The following RERE variants were observed in gnomAD, a reference collection of about 807,000 sequenced individuals.
The protein encoded by RERE is arginine-glutamic acid dipeptide repeats.
A neutral mutation model predicts 146.1 loss-of-function variants in RERE; 40 were observed. That is an observed-to-expected ratio of 0.27 (90% CI 0.21 to 0.36). The LOEUF is 0.36. Ranked by LOEUF, RERE falls within the 10% of genes least tolerant of loss-of-function variation. The probability of loss-of-function intolerance (pLI) is 1.00; values close to 1 mark genes in which losing one functional copy is unlikely to be tolerated. For missense variants in RERE, 1,933 were observed against 2,138.7 expected, an observed-to-expected ratio of 0.90 and a Z score of 1.90; for synonymous variants, 1,003 against 866.0, an observed-to-expected ratio of 1.16 and a Z score of -2.78.
chr1:8,521,228 T>A (rs1645496615), intron 7 of RERE, among the ~76,000 whole-genome samples: 3 of 141,550 alleles, frequency 2.1e-5, no homozygotes, highest in Admixed American at 6.9e-5. Flanking sequence ...ACATAAACAC[T>A]CAAAGAGAGT....
intron 1 of RERE, among the ~76,000 whole-genome samples, chr1:8,722,346 T>C (rs1639879959): frequency 6.6e-6 from 1 of 152,220 alleles, no homozygotes; most frequent in Admixed American, 6.5e-5. Context: ...CATTAGCTTT[T>C]TCATCCAAAC....
chr1:8,777,301 G>A (rs1384972373), intron 1 of RERE, among the ~76,000 whole-genome samples: 1 of 152,046 alleles, frequency 6.6e-6, no homozygotes, highest in Non-Finnish European at 1.5e-5. Flanking sequence ...ACTATCAAGT[G>A]TCATCAAATA....
chr1:8,403,287 C>T (rs1393838888), intron 12 of RERE, among the ~76,000 whole-genome samples: 3 of 152,034 alleles, frequency 2.0e-5, no homozygotes, highest in African/African-American at 7.2e-5. Flanking sequence ...TTTGAAATTT[C>T]CTATCATAAA....
At chr1:8,486,751 A>G (rs1312847550) in intron 10 of RERE, among the ~76,000 whole-genome samples, 2 of 82,900 alleles carry the variant, frequency 2.4e-5, no homozygotes, top group Non-Finnish European at 4.9e-5. Flanking sequence ...CGTGGAGTCC[A>G]TCTTAAAAAA....
At chr1:8,460,587 C>T (rs1002389874) in intron 11 of RERE, among the ~76,000 whole-genome samples, 3 of 152,058 alleles carry the variant, frequency 2.0e-5, no homozygotes, top group Non-Finnish European at 4.4e-5. Context: ...AATTTCAGAG[C>T]TTATTTGTAT....
intron 1 of RERE, among the ~76,000 whole-genome samples, chr1:8,666,088 A>G (rs557238982): frequency 6.6e-6 from 1 of 152,308 alleles, no homozygotes; most frequent in African/African-American, 2.4e-5. Context: ...GCCTTAAATG[A>G]CATGGCCTTA....
intron 11 of RERE, among the ~76,000 whole-genome samples, chr1:8,448,615 G>A (rs567851795): frequency 5.9e-5 from 9 of 152,094 alleles, no homozygotes; most frequent in Admixed American, 2.0e-4. Context: ...AAATTAGCTG[G>A]GCATGGTGGC....
At chr1:8,450,607 C>G (rs1644379367) in intron 11 of RERE, among the ~76,000 whole-genome samples, 1 of 152,196 alleles carries the variant, frequency 6.6e-6, no homozygotes, top group Non-Finnish European at 1.5e-5. Context: ...CATACCCCAA[C>G]CCCCGAGCCC....
At chr1:8,507,559 C>T (rs1339171162) in intron 8 of RERE, among the ~76,000 whole-genome samples, 7 of 151,744 alleles carry the variant, frequency 4.6e-5, no homozygotes, top group Non-Finnish European at 1.0e-4. Context: ...CATGCGCACA[C>T]CACCATGACC....
At chr1:8,692,588 A>G (rs1639230165) in intron 1 of RERE, among the ~76,000 whole-genome samples, 1 of 152,118 alleles carries the variant, frequency 6.6e-6, no homozygotes, top group African/African-American at 2.4e-5. Flanking sequence ...ATCTCAAGTG[A>G]TCTGCCCGTC....
At chr1:8,486,552 C>A (rs1644901772) in intron 10 of RERE, among the ~76,000 whole-genome samples, 1 of 151,598 alleles carries the variant, frequency 6.6e-6, no homozygotes, top group African/African-American at 2.4e-5. Context: ...TTTAACATCC[C>A]ACTTTAGAAA....
At chr1:8,479,018 C>T (rs1557650272) in intron 10 of RERE, among the ~76,000 whole-genome samples, 1 of 152,198 alleles carries the variant, frequency 6.6e-6, no homozygotes, top group Non-Finnish European at 1.5e-5. Context: ...AATGTCCTCA[C>T]ATTACAGAAA....
intron 1 of RERE, among the ~76,000 whole-genome samples, chr1:8,759,222 C>T (rs1640704758): frequency 6.6e-6 from 1 of 152,210 alleles, no homozygotes; most frequent in Non-Finnish European, 1.5e-5. Context: ...TCCTACTTTA[C>T]TGTCAACTAT....
chr1:8,575,579 A>T (rs1200712972), intron 4 of RERE, among the ~76,000 whole-genome samples: 3 of 132,158 alleles, frequency 2.3e-5, no homozygotes, highest in African/African-American at 8.7e-5. Context: ...TTTTTTTGGC[A>T]GAGACAGTGT....
chr1:8,607,588 G>A (rs994061165), intron 4 of RERE, among the ~76,000 whole-genome samples: 3 of 117,452 alleles, frequency 2.6e-5, no homozygotes, highest in African/African-American at 1.0e-4. Flanking sequence ...CTCTGTCGTC[G>A]AGGCTGCAGT....
intron 7 of RERE, among the ~76,000 whole-genome samples, chr1:8,521,877 A>G (rs956206426): frequency 4.6e-5 from 7 of 152,236 alleles, no homozygotes; most frequent in Non-Finnish European, 8.8e-5. Flanking sequence ...GACCGTAAGA[A>G]TAGACTTGGC....
At chr1:8,754,352 G>A (rs1048105831) in intron 1 of RERE, among the ~76,000 whole-genome samples, 3 of 152,036 alleles carry the variant, frequency 2.0e-5, no homozygotes, top group African/African-American at 7.3e-5. Flanking sequence ...GTCAAATCAG[G>A]CAATTCTGCA....
intron 1 of RERE, among the ~76,000 whole-genome samples, chr1:8,729,870 A>G (rs577706850): frequency 2.6e-5 from 4 of 152,234 alleles, no homozygotes; most frequent in Non-Finnish European, 4.4e-5. Flanking sequence ...GGTTCACATC[A>G]GGCTTTTCCA....
At chr1:8,736,187 CAGTTTGTT>C (rs1231947932) in intron 1 of RERE, among the ~76,000 whole-genome samples, 1 of 58,790 alleles carries the variant, frequency 1.7e-5, no homozygotes, top group Non-Finnish European at 3.3e-5. Context: ...TTTAAACCAT[CAGTTTGTT>C]TGTTTGTTTG....
Sources: allele counts gnomAD v4.1 joint callset (sites outside exome capture counted in the v4.1 genomes callset), GRCh38; gene constraint gnomAD v4.1.1; transcripts MANE v1.5; gene names NCBI Gene and HGNC (gene_info 2026-07-23, HGNC 2026-07-21).